The following MYO7A variants were observed in gnomAD, a reference collection of about 807,000 sequenced individuals.
MYO7A encodes unconventional myosin-VIIa.
Under a neutral mutation model 263.8 loss-of-function variants are expected in MYO7A, and 210 were observed. The observed-to-expected ratio is 0.80, with a 90% CI of 0.71 to 0.89. MYO7A has a LOEUF of 0.89. Among genes scored for constraint, MYO7A ranks in the 40% least tolerant of loss-of-function variants. MYO7A has a pLI of 0.00. For synonymous variants in MYO7A, 1,239 were observed against 1,197.3 expected, an observed-to-expected ratio of 1.03 and a Z score of -0.72; for missense variants, 2,820 against 2,968.3, an observed-to-expected ratio of 0.95 and a Z score of 1.16.
At chr11:77,170,968 C>G (rs2135390056) in intron 15 of MYO7A, among the ~76,000 whole-genome samples, 1 of 152,264 alleles carries the variant, frequency 6.6e-6, no homozygotes, top group African/African-American at 2.4e-5. Context: ...TTCTGTGAAC[C>G]CATGGATGTC....
At chr11:77,150,327 A>G (rs559729394) in intron 4 of MYO7A, among the ~76,000 whole-genome samples, 5 of 152,326 alleles carry the variant, frequency 3.3e-5, no homozygotes, top group African/African-American at 9.6e-5. Flanking sequence ...GGTCAGCTGC[A>G]TCAAGGAACA....
At chr11:77,189,293 G>T in intron 27 of MYO7A, 51 bp from the exon 28 acceptor site, 1 of 1,607,324 alleles carries the variant, frequency 6.2e-7, no homozygotes. Context: ...GTGGGGACCG[G>T]GGCTGTTCCT....
At chr11:77,176,492 T>C (rs1232410787) in intron 18 of MYO7A, among the ~76,000 whole-genome samples, 2 of 152,152 alleles carry the variant, frequency 1.3e-5, no homozygotes, top group African/African-American at 4.8e-5. Context: ...ACCAGGCAGC[T>C]AGGAAGCAGG....
At chr11:77,209,848 C>T (rs533044215) in intron 44 of MYO7A, among the ~76,000 whole-genome samples, 3 of 152,280 alleles carry the variant, frequency 2.0e-5, no homozygotes, top group Middle Eastern at 3.4e-3. Flanking sequence ...TCCCCTTGCT[C>T]GTAGGGCATA....
At chr11:77,171,696 A>C (rs1385060482) in intron 15 of MYO7A, among the ~76,000 whole-genome samples, 1 of 152,374 alleles carries the variant, frequency 6.6e-6, no homozygotes, top group Admixed American at 6.5e-5. Context: ...TTGCAATATT[A>C]ATCAAATGAA....
chr11:77,175,607 G>A, intron 18 of MYO7A, 143 bp downstream of exon 18: 2 of 791,804 alleles, frequency 2.5e-6, no homozygotes, highest in Non-Finnish European at 4.3e-6. Context: ...GGAGCAGGTG[G>A]GATCTGGCCT....
Position 77,147,959 on chromosome 11 carries a change from C to A in MYO7A, c.285+9C>A. 6.5e-7 allele frequency: 1 copy of A among 1,534,778 alleles called. No individual in the cohort carries two copies. The highest frequency in any genetic ancestry group is 8.8e-7 in the Non-Finnish European group (1 of 1,138,652). On this transcript the variant is annotated intron_variant, in intron 4 of 48. Coordinates refer to ENST00000409709, the MANE Select transcript of MYO7A (RefSeq NM_000260.4). ...GGGACCACCTCATCTACGTGAGTGC[C>A]GCCCCGCCCGGTGCCCGTCCAGGCC...
chr11:77,184,954 G>T, intron 27 of MYO7A: 1 of 747,852 alleles, frequency 1.3e-6, no homozygotes, highest in Non-Finnish European at 2.4e-6. Flanking sequence ...TTCAGTTGAA[G>T]GCCACAGAAA....
At chr11:77,190,942 C>T (rs1453859811) in intron 30 of MYO7A, 72 bp downstream of exon 30, 4 of 1,443,136 alleles carry the variant, frequency 2.8e-6, no homozygotes, top group African/African-American at 2.8e-5. Context: ...CCAGTGCTGC[C>T]ACCTACTTGC....
chr11:77,174,214 C>T (rs1954403885), intron 16 of MYO7A, among the ~76,000 whole-genome samples: 1 of 152,128 alleles, frequency 6.6e-6, no homozygotes. Flanking sequence ...CCCCAGGGCC[C>T]TTTGAAAAAT....
At position 77,180,482 on chromosome 11, in the gene MYO7A, G is replaced by A. The variant is rs1955083613; in HGVS notation, c.2694+1G>A. ...GGAGGAGGCCGAGCGCAAGCATCAG[G>A]TGAGCTGAGAGCCTCCAGGCACCTT... is the stretch of plus-strand genomic sequence containing the variant. On this transcript the variant is annotated splice_donor_variant, in intron 22 of 48. Transcript: ENST00000409709. LOFTEE classifies it high-confidence loss of function. 1 of 1,611,632 alleles carries A rather than the reference G, an allele frequency of 6.2e-7. No individual in the cohort carries two copies. Among genetic ancestry groups the A allele is most frequent in the Non-Finnish European group, 8.5e-7 (1 of 1,179,326 alleles).
intron 2 of MYO7A, 98 bp from the exon 3 acceptor site, chr11:77,142,611 C>T: frequency 9.6e-7 from 1 of 1,044,264 alleles, no homozygotes; most frequent in Non-Finnish European, 1.5e-6. Flanking sequence ...GTGGTTGGCT[C>T]AGAGCCTCTG....
chr11:77,156,935 C>T lies in MYO7A; in HGVS notation c.666C>T (p.Asn222=). Residue 222 remains asparagine, a synonymous_variant, in exon 7 of 49, where the codon AAC becomes AAT. Coordinates refer to ENST00000409709, the MANE Select transcript of MYO7A (RefSeq NM_000260.4). ...GAAAGTACATCGACATCCACTTCAA[C>T]AAGCGGGGCGCCATCGAGGGCGCGA... ...RFGKYIDIHF[N]KRGAIEGAKI... 1 of 1,614,010 alleles carries T rather than the reference C, an allele frequency of 6.2e-7. No homozygotes were observed. The highest frequency in any genetic ancestry group is 2.2e-5 in the East Asian group (1 of 44,872).
Position 77,162,124 on chromosome 11 carries a change from G to C in MYO7A, c.1348G>C (p.Glu450Gln), listed in dbSNP as rs1269622956. Residue 450 changes from glutamate (E) to glutamine (Q), a missense_variant, in exon 13 of 49, where the codon GAG becomes CAG. Physicochemically the swap from Glu to Gln is conservative, Grantham distance 29. Transcript: ENST00000409709. ...GFENFAVNSF[E>Q]QLCINFANEH... ...CCCATCCCTGTGCCCCTGCAGCTTT[G>C]AGCAGCTCTGCATCAACTTCGCCAA... The C allele has an allele frequency of 1.1e-5, 17 of 1,598,096 alleles. No homozygotes were observed. The highest frequency in any genetic ancestry group is 1.5e-5 in the Non-Finnish European group (17 of 1,172,390).
At position 77,204,128 on chromosome 11, in the gene MYO7A, C is replaced by T. The variant is rs546027035; in HGVS notation, c.5379C>T (p.Asn1793=). The T allele has an allele frequency of 2.7e-5, 43 of 1,599,534 alleles. No homozygotes were observed. The highest frequency in any genetic ancestry group is 3.3e-4 in the Middle Eastern group (2 of 6,054). The change falls in exon 39 of 49, where the codon AAC becomes AAT. Residue 1793 remains asparagine, a synonymous_variant. Transcript: ENST00000409709. The part of the protein sequence containing the change: ...DYPSKRTRSV[N]ELTDQIFEGP... ...CGTCCAAGAGGACACGCTCCGTCAA[C>T]GAGCTCACCGACCAGATCTTTGAGG...
intron 2 of MYO7A, among the ~76,000 whole-genome samples, chr11:77,140,619 C>T (rs1326874482): frequency 1.3e-5 from 2 of 152,218 alleles, no homozygotes; most frequent in African/African-American, 4.8e-5. Flanking sequence ...CCCTAGGGAG[C>T]TCCAGGCCAG....
At chr11:77,179,182 T>C in intron 20 of MYO7A, 53 bp downstream of exon 20, 1 of 1,502,482 alleles carries the variant, frequency 6.7e-7, no homozygotes, top group Non-Finnish European at 9.1e-7. Flanking sequence ...AACCCAGCCT[T>C]GCTGCCATGG....
At chr11:77,199,313 G>A (rs1282011563) in intron 34 of MYO7A, among the ~76,000 whole-genome samples, 1 of 152,224 alleles carries the variant, frequency 6.6e-6, no homozygotes, top group African/African-American at 2.4e-5. Flanking sequence ...TGGGAGGGCA[G>A]GGAGGACTTC....
intron 4 of MYO7A, among the ~76,000 whole-genome samples, chr11:77,151,863 T>C (rs536253662): frequency 6.4e-4 from 98 of 152,318 alleles, no homozygotes; most frequent in African/African-American, 2.3e-3. Flanking sequence ...GTCAGTCCCA[T>C]GAGTGTGTTC....
Sources: allele counts gnomAD v4.1 joint callset (sites outside exome capture counted in the v4.1 genomes callset), GRCh38; gene constraint gnomAD v4.1.1; transcripts MANE v1.5; gene names NCBI Gene and HGNC (gene_info 2026-07-23, HGNC 2026-07-21).